The following TEX11 variants were observed in gnomAD, a reference collection of about 807,000 sequenced individuals.
TEX11 encodes the protein testis expressed 11.
Under a neutral mutation model 84.4 loss-of-function variants are expected in TEX11, and 7 were observed. That is an observed-to-expected ratio of 0.08 (90% CI 0.05 to 0.16). The LOEUF (loss-of-function observed/expected upper bound fraction) is 0.16. TEX11 is among the 10% of genes least tolerant of loss of function. The pLI is 1.00. For missense variants in TEX11, 551 were observed against 660.5 expected, an observed-to-expected ratio of 0.83 and a Z score of 1.82; for synonymous variants, 264 against 222.8, an observed-to-expected ratio of 1.18 and a Z score of -1.64.
intron 8 of TEX11, among the ~76,000 whole-genome samples, chrX:70,808,410 GGAGAATCGCTT>G (rs1166320426): frequency 5.5e-5 from 6 of 108,352 alleles, no homozygotes; most frequent in Admixed American, 1.0e-4. Context: ...GGCTGAGGCA[GGAGAATCGCTT>G]GAACCCGGAA....
intron 3 of TEX11, among the ~76,000 whole-genome samples, chrX:70,878,437 C>A (rs2091667040): frequency 9.0e-6 from 1 of 110,511 alleles, no homozygotes; most frequent in Non-Finnish European, 1.9e-5. Flanking sequence ...TCCCAAAGTG[C>A]TGGGATTACA....
chrX:70,579,297 G>C lies in TEX11; in HGVS notation c.2140+12454C>G, dbSNP rs370637296. Among the ~76,000 whole-genome samples, 3 of 104,005 alleles carry C rather than the reference G, an allele frequency of 2.9e-5. No individual in the cohort carries two copies. In the East Asian group the frequency reaches 9.1e-4, roughly 32 times the overall value. 90.3% of individuals were successfully genotyped at this position (104,005 alleles called of 115,157 possible). On this transcript the variant is annotated intron_variant, in intron 25 of 29. Transcript: ENST00000374333. Reference sequence around the variant, plus strand: ...AGGTCAGGAGATCGAGACCATCCTGGCTAACACGGTGAAACCCCATCTCTA... The same window carrying C: ...AGGTCAGGAGATCGAGACCATCCTGCCTAACACGGTGAAACCCCATCTCTA...
At chrX:70,552,370 G>C (rs1321955205) in intron 27 of TEX11, 124 bp from the exon 28 acceptor site, 1 of 830,961 alleles carries the variant, frequency 1.2e-6, no homozygotes, top group East Asian at 3.6e-5. Flanking sequence ...TTCTTCCCTC[G>C]GTTTTATCTG....
At chrX:70,852,584 C>A (rs757878305) in intron 7 of TEX11, among the ~76,000 whole-genome samples, 14 of 112,171 alleles carry the variant, frequency 1.2e-4, no homozygotes, top group Non-Finnish European at 2.4e-4. Flanking sequence ...AAGGAGGAAA[C>A]CCACAAGATA....
At chrX:70,627,238 G>A (rs1311553865) in intron 18 of TEX11, among the ~76,000 whole-genome samples, 1 of 112,214 alleles carries the variant, frequency 8.9e-6, no homozygotes, top group Non-Finnish European at 1.9e-5. Context: ...AAGGGAAGAA[G>A]AGAAATTGGG....
chrX:70,702,553 A>G (rs1042614015), intron 13 of TEX11, among the ~76,000 whole-genome samples: 1 of 111,759 alleles, frequency 8.9e-6, no homozygotes, highest in Non-Finnish European at 1.9e-5. Context: ...CCAAATGCAT[A>G]TCTCTGAGAT....
intron 20 of TEX11, among the ~76,000 whole-genome samples, chrX:70,618,130 CTG>C (rs1170711185): frequency 8.9e-6 from 1 of 111,963 alleles, no homozygotes; most frequent in African/African-American, 3.2e-5. Flanking sequence ...GTAAAAGCCC[CTG>C]TGTTTGGGTT....
intron 20 of TEX11, among the ~76,000 whole-genome samples, chrX:70,622,116 G>A (rs1378519032): frequency 8.9e-6 from 1 of 111,998 alleles, no homozygotes; most frequent in African/African-American, 3.2e-5. Context: ...TTTTACAGAT[G>A]AGGAAAATAA....
chrX:70,596,123 C>A (rs1050944714), intron 24 of TEX11, among the ~76,000 whole-genome samples: 2 of 110,820 alleles, frequency 1.8e-5, no homozygotes, highest in African/African-American at 3.3e-5. Context: ...AACAACAGAG[C>A]CCCAAAAATA....
At chrX:70,741,381 A>G (rs2090733014) in intron 10 of TEX11, among the ~76,000 whole-genome samples, 1 of 111,910 alleles carries the variant, frequency 8.9e-6, no homozygotes, top group South Asian at 3.8e-4. Context: ...ACAGTCAAAA[A>G]TAATCTAGAG....
chrX:70,593,806 A>AAGAT (rs2088967364), intron 24 of TEX11, among the ~76,000 whole-genome samples: 1 of 111,555 alleles, frequency 9.0e-6, no homozygotes, highest in Non-Finnish European at 1.9e-5. Context: ...AGCAAACATG[A>AAGAT]AGATAGATTA....
chrX:70,802,501 A>C (rs1380570374), intron 9 of TEX11, among the ~76,000 whole-genome samples: 1 of 111,452 alleles, frequency 9.0e-6, no homozygotes. Flanking sequence ...AAATACATAC[A>C]ATTTTAATTT....
chrX:70,792,189 G>A (rs1466495025), intron 9 of TEX11, among the ~76,000 whole-genome samples: 2 of 93,429 alleles, frequency 2.1e-5, no homozygotes, highest in Non-Finnish European at 4.2e-5. Context: ...GCAGGAGGCT[G>A]AGGCAGGAGA....
At chrX:70,586,974 G>C (rs111370195) in intron 25 of TEX11, among the ~76,000 whole-genome samples, 1 of 111,657 alleles carries the variant, frequency 9.0e-6, no homozygotes, top group Non-Finnish European at 1.9e-5. Context: ...ATCTCACATG[G>C]AGATGAGGAA....
intron 25 of TEX11, among the ~76,000 whole-genome samples, chrX:70,574,056 A>G (rs982794449): frequency 8.9e-6 from 1 of 112,026 alleles, no homozygotes; most frequent in Non-Finnish European, 1.9e-5. Flanking sequence ...ACCTACAAAA[A>G]CTAAAGCCTT....
the TEX11 span, among the ~76,000 whole-genome samples, chrX:70,522,887 A>G: frequency 9.1e-6 from 1 of 109,708 alleles, no homozygotes; most frequent in Non-Finnish European, 1.9e-5. Flanking sequence ...GGTAGAAAGA[A>G]GAGCATCTGA....
At chrX:70,644,922 TA>T (rs200872256) in intron 17 of TEX11, among the ~76,000 whole-genome samples, 1,186 of 104,423 alleles carry the variant, frequency 0.011, 22 homozygotes, top group African/African-American at 0.039. Context: ...TAAAGTATAA[TA>T]AAAAAAATTA....
chrX:70,679,593 C>A (rs2090116759), intron 14 of TEX11, among the ~76,000 whole-genome samples: 1 of 109,516 alleles, frequency 9.1e-6, no homozygotes, highest in African/African-American at 3.3e-5. Flanking sequence ...CTGGCAACCG[C>A]CCCGTCTGAG....
In TEX11 at chrX:70,620,259, G is replaced by A. The variant is rs1435324228; in HGVS notation, c.1751+3691C>T. ...TATTTGGTCTGAGGTTGCTGGCAAG[G>A]GTCCTAAAATCCTTGGGAGAAAAGA... On this transcript the variant is annotated intron_variant, in intron 20 of 29. Coordinates refer to ENST00000374333, the MANE Select transcript of TEX11 (RefSeq NM_031276.3). 1.8e-5 allele frequency among the ~76,000 whole-genome samples: 2 copies of A among 111,178 alleles called. 1 individual carries two copies. The highest frequency in any genetic ancestry group is 6.5e-5 in the African/African-American group (2 of 30,545).
Sources: gnomAD v4.1 joint callset for allele counts (sites outside exome capture counted in the v4.1 genomes callset) on GRCh38, gnomAD v4.1.1 for gene constraint, MANE v1.5 for transcripts, NCBI Gene and HGNC (gene_info 2026-07-23, HGNC 2026-07-21) for gene names.